The following TRAF3IP1 variants were observed in gnomAD, a reference collection of about 807,000 sequenced individuals.
TRAF3IP1 encodes TRAF3-interacting protein 1.
A neutral mutation model predicts 89.9 loss-of-function variants in TRAF3IP1; 53 were observed. The observed-to-expected ratio is 0.59, with a 90% CI of 0.47 to 0.74. TRAF3IP1 has a LOEUF of 0.74. Among genes scored for constraint, TRAF3IP1 ranks in the 30% least tolerant of loss-of-function variants. The pLI is 0.00. For missense variants in TRAF3IP1, 806 were observed against 866.1 expected, an observed-to-expected ratio of 0.93 and a Z score of 0.87; for synonymous variants, 311 against 322.1, an observed-to-expected ratio of 0.97 and a Z score of 0.37.
At position 238,345,074 on chromosome 2, in the gene TRAF3IP1, A is replaced by G. The variant is rs537441400; in HGVS notation, c.1261+476A>G. Among the ~76,000 whole-genome samples, 6 of 152,294 alleles carry G rather than the reference A, an allele frequency of 3.9e-5. No homozygotes were observed. The highest frequency in any genetic ancestry group is 7.2e-5 in the African/African-American group (3 of 41,566). On this transcript the variant is annotated intron_variant, in intron 9 of 16. Transcript: ENST00000373327. The surrounding 1 kb of genome is among the most constrained non-coding windows in gnomAD (Gnocchi z 4.7). The stretch of plus-strand genomic sequence containing the variant: ...AAAACTTTGGTAAAATAGCCATTCA[A>G]TGTTTGTGTTTTGAGGCCTTGGAGC...
Position 238,328,707 on chromosome 2 carries a change from C to A in TRAF3IP1, c.376C>A (p.Arg126=). Residue 126 remains arginine, a synonymous_variant, in exon 4 of 17, where the codon CGG becomes AGG. Transcript: ENST00000373327. The part of the protein sequence containing the change: ...LNKLSSDDAV[R]RVLAGEKGEV... Reference sequence around the variant, plus strand: ...CAAGCTCTCTAGTGACGATGCGGTGCGGAGGGTTTTAGCTGGAGAGAAGGG... The same window carrying A: ...CAAGCTCTCTAGTGACGATGCGGTGAGGAGGGTTTTAGCTGGAGAGAAGGG... 1 of 1,613,738 alleles carries A rather than the reference C, an allele frequency of 6.2e-7. No homozygotes were observed. Among genetic ancestry groups the A allele is most frequent in the Non-Finnish European group, 8.5e-7 (1 of 1,179,924 alleles).
chr2:238,367,185 A>G (rs1291670368), intron 15 of TRAF3IP1, among the ~76,000 whole-genome samples: 1 of 150,842 alleles, frequency 6.6e-6, no homozygotes, highest in African/African-American at 2.4e-5. Flanking sequence ...AAAAAAAAAA[A>G]AAAAGAAAAT....
At position 238,388,593 on chromosome 2, in the gene TRAF3IP1, CTTTTTTT is replaced by C. The variant is rs752954955; in HGVS notation, c.1690-8850_1690-8844del. ...ATTCCTCTGTTTATGAAGAACACAACTTTTTTTTTTTTTTTTTTTTTTGAGACAGAGT... is the reference window on the plus strand; with the variant it reads ...ATTCCTCTGTTTATGAAGAACACAACTTTTTTTTTTTTTTTGAGACAGAGT... On this transcript the variant is annotated intron_variant, in intron 15 of 16. Transcript: ENST00000373327. Among the ~76,000 whole-genome samples the C allele has an allele frequency of 1.7e-4, 18 of 104,190 alleles. No individual in the cohort carries two copies. The Admixed American group carries it at 2.1e-3, about 12-fold the overall frequency. 68.4% of individuals were successfully genotyped at this position (104,190 alleles called of 152,430 possible).
chr2:238,338,678 C>T (rs939534778), intron 8 of TRAF3IP1, among the ~76,000 whole-genome samples: 3 of 152,096 alleles, frequency 2.0e-5, no homozygotes, highest in African/African-American at 7.2e-5. Flanking sequence ...AATTATATGC[C>T]TTTTTATACA....
In TRAF3IP1 at chr2:238,392,821, C is replaced by G. The variant is rs530646578; in HGVS notation, c.1690-4638C>G. Among the ~76,000 whole-genome samples, 48 of 152,330 alleles carry G rather than the reference C, an allele frequency of 3.2e-4. 1 individual carries two copies. The highest frequency in any genetic ancestry group is 1.1e-3 in the African/African-American group (46 of 41,588). ...GAACTCCTGACCTCAGGTGATCTGC[C>G]TGCCTCAGCCTCCCAAAGTGCTGGG... On this transcript the variant is annotated intron_variant, in intron 15 of 16. Coordinates refer to ENST00000373327, the MANE Select transcript of TRAF3IP1 (RefSeq NM_015650.4).
chr2:238,354,155 A>G (rs1477216924), intron 14 of TRAF3IP1, among the ~76,000 whole-genome samples: 3 of 152,180 alleles, frequency 2.0e-5, no homozygotes, highest in East Asian at 1.9e-4. Flanking sequence ...ATTGCCCAGT[A>G]TTTGACCAGG....
chr2:238,377,979 T>TAA (rs1456237936), intron 15 of TRAF3IP1, among the ~76,000 whole-genome samples: 1 of 152,204 alleles, frequency 6.6e-6, no homozygotes, highest in African/African-American at 2.4e-5. Context: ...AACTCTTTAA[T>TAA]ATTTGCTCTG....
intron 5 of TRAF3IP1, among the ~76,000 whole-genome samples, chr2:238,331,491 A>G (rs371946581): frequency 8.9e-4 from 135 of 152,238 alleles, no homozygotes; most frequent in Middle Eastern, 3.4e-3. Context: ...AACAACAACA[A>G]CAAAAAGAAA....
At position 238,320,577 on chromosome 2, in the gene TRAF3IP1, G is replaced by T. The variant is rs1013073557; in HGVS notation, c.-86G>T. ...GGCAGGACCGGGCGGCGGCGGCGGC[G>T]GGGCCGGCGGCGGCCAGGGACCCGG... On this transcript the variant is annotated 5_prime_UTR_variant, in exon 1 of 17. Coordinates refer to ENST00000373327, the MANE Select transcript of TRAF3IP1 (RefSeq NM_015650.4). The T allele has an allele frequency of 4.7e-6, 5 of 1,068,866 alleles. No homozygotes were observed. The highest frequency in any genetic ancestry group is 4.4e-5 in the South Asian group (1 of 22,982). The allele number at this position is 1,068,866 out of a possible 1,614,324, so 66.2% of individuals were successfully genotyped here. A position where few individuals can be genotyped will look rare whatever the true frequency, so the allele number is the denominator to read the frequency against.
chr2:238,367,163 C>CAAA (rs33964253), intron 15 of TRAF3IP1, among the ~76,000 whole-genome samples: 18,197 of 36,162 alleles, frequency 0.5, 6,690 homozygotes, highest in Non-Finnish European at 0.56. Context: ...GACTCTGTCT[C>CAAA]AAAAAAAAAA....
intron 15 of TRAF3IP1, among the ~76,000 whole-genome samples, chr2:238,356,593 G>A (rs2106331994): frequency 6.6e-6 from 1 of 152,206 alleles, no homozygotes; most frequent in African/African-American, 2.4e-5. Flanking sequence ...CTGGTATCCA[G>A]CCCCGTCTTG....
Position 238,351,094 on chromosome 2 carries a change from G to T in TRAF3IP1, c.1451+1686G>T, listed in dbSNP as rs1699131006. On this transcript the variant is annotated intron_variant, in intron 12 of 16. Coordinates refer to ENST00000373327, the MANE Select transcript of TRAF3IP1 (RefSeq NM_015650.4). The surrounding 1 kb of genome is among the most constrained non-coding windows in gnomAD (Gnocchi z 5.2). The stretch of plus-strand genomic sequence containing the variant: ...GAATATAGATAGTGGTGGTAAAGGA[G>T]TGGGGCGCTTGGATTTGAGGTTGGA... Among the ~76,000 whole-genome samples the T allele has an allele frequency of 6.6e-6, 1 of 152,110 alleles. No homozygotes were observed. The highest frequency in any genetic ancestry group is 1.5e-5 in the Non-Finnish European group (1 of 68,020).
At chr2:238,348,242 C>T (rs780184717) in intron 10 of TRAF3IP1, among the ~76,000 whole-genome samples, 4 of 151,652 alleles carry the variant, frequency 2.6e-5, no homozygotes, top group African/African-American at 4.8e-5. Context: ...ACTGGTAATT[C>T]TACTGCTTAT....
rs376077282 is a variant in TRAF3IP1, at chr2:238,328,645, A to G, written c.355-41A>G. ...TCTATTTGTTACGTGTGCGGATCTC[A>G]TTTCACCTAACACCTCATTTCCTTC... On this transcript the variant is annotated intron_variant, in intron 3 of 16. Transcript: ENST00000373327. 3.8e-6 allele frequency: 6 copies of G among 1,596,620 alleles called. No individual in the cohort carries two copies. In the African/African-American group the frequency reaches 8.1e-5, roughly 22 times the overall value.
At chr2:238,394,933 G>C (rs1430606370) in intron 15 of TRAF3IP1, among the ~76,000 whole-genome samples, 2 of 152,226 alleles carry the variant, frequency 1.3e-5, no homozygotes, top group Non-Finnish European at 2.9e-5. Flanking sequence ...TGAATATGTA[G>C]CTATGATACG....
At chr2:238,332,943 T>C (rs371334345) in intron 6 of TRAF3IP1, 48 bp downstream of exon 6, 3 of 1,433,402 alleles carry the variant, frequency 2.1e-6, no homozygotes, top group Non-Finnish European at 2.9e-6. Context: ...TGTAGCTGTG[T>C]TGAAATAGTG....
intron 8 of TRAF3IP1, among the ~76,000 whole-genome samples, chr2:238,339,648 T>C (rs1479364443): frequency 1.3e-5 from 2 of 152,260 alleles, no homozygotes; most frequent in Admixed American, 1.3e-4. Context: ...GAGTGGGTTC[T>C]CTGAGCCACA....
intron 8 of TRAF3IP1, 132 bp downstream of exon 8, chr2:238,338,589 T>C (rs1574908900): frequency 1.9e-6 from 1 of 530,686 alleles, no homozygotes; most frequent in African/African-American, 1.9e-5. Context: ...TCATGATGTA[T>C]TGAAGACTGG....
At chr2:238,386,612 C>T (rs1453189092) in intron 15 of TRAF3IP1, among the ~76,000 whole-genome samples, 1 of 152,182 alleles carries the variant, frequency 6.6e-6, no homozygotes, top group Non-Finnish European at 1.5e-5. Context: ...TGAGCCCGGC[C>T]AAAATTTAAC....
Sources: gnomAD v4.1 joint callset for allele counts (sites outside exome capture counted in the v4.1 genomes callset) on GRCh38, gnomAD v4.1.1 for gene constraint, Gnocchi (gnomAD v3.1) non-coding constraint, MANE v1.5 for transcripts, NCBI Gene and HGNC (gene_info 2026-07-23, HGNC 2026-07-21) for gene names.